FAM171A1: variants seen among roughly 807,000 people sequenced by gnomAD.
The protein encoded by FAM171A1 is protein FAM171A1.
Under a neutral mutation model 74.9 loss-of-function variants are expected in FAM171A1, and 23 were observed. The observed-to-expected ratio is 0.31, with a 90% CI of 0.22 to 0.44. The LOEUF is 0.44. FAM171A1 is among the 20% of genes least tolerant of loss of function. The pLI, the probability that FAM171A1 is intolerant of heterozygous loss-of-function variation, is 1.00. For missense variants in FAM171A1, 1,162 were observed against 1,159.2 expected (o/e 1.00, Z -0.03); for synonymous variants, 527 against 505.7 (o/e 1.04, Z -0.57).
At chr10:15,331,864 T>TATATAC in intron 1 of FAM171A1, among the ~76,000 whole-genome samples, 1 of 117,466 alleles carries the variant, frequency 8.5e-6, no homozygotes, top group East Asian at 3.1e-4. Flanking sequence ...TGTGTGTATA[T>TATATAC]ATATGTGTGT....
rs920101512 is a variant in FAM171A1 at position 15,240,592 on chromosome 10, C to T, written c.754+8047G>A. ...AAAATTAAAAGACAACTGTGAAAAACGGCAGCATCAAAAATTGATCCCACT... is the reference window on the plus strand; with the variant it reads ...AAAATTAAAAGACAACTGTGAAAAATGGCAGCATCAAAAATTGATCCCACT... On this transcript the variant is annotated intron_variant, in intron 5 of 7. Transcript: ENST00000378116. Among the ~76,000 whole-genome samples, 11 of 152,190 alleles carry T rather than the reference C, an allele frequency of 7.2e-5. No homozygotes were observed. The East Asian group carries it at 7.7e-4, about 11-fold the overall frequency.
intron 2 of FAM171A1, among the ~76,000 whole-genome samples, chr10:15,277,715 GA>G (rs1348836276): frequency 1.3e-5 from 2 of 152,120 alleles, no homozygotes; most frequent in Non-Finnish European, 2.9e-5. Flanking sequence ...AAAACATCAG[GA>G]TCTAGAAGAT....
chr10:15,252,345 G>A (rs900822933), intron 4 of FAM171A1, among the ~76,000 whole-genome samples: 1 of 152,186 alleles, frequency 6.6e-6, no homozygotes, highest in Non-Finnish European at 1.5e-5. Context: ...AGTCTCTTCC[G>A]CAGCCTCTCT....
intron 5 of FAM171A1, among the ~76,000 whole-genome samples, chr10:15,240,433 G>A (rs1834349289): frequency 6.6e-6 from 1 of 152,130 alleles, no homozygotes; most frequent in African/African-American, 2.4e-5. Context: ...GTTGTAACAT[G>A]CTAAACAAAT....
At chr10:15,235,146 C>T (rs1834268039) in intron 5 of FAM171A1, among the ~76,000 whole-genome samples, 3 of 151,856 alleles carry the variant, frequency 2.0e-5, no homozygotes, top group Non-Finnish European at 4.4e-5. Context: ...CTCGTCTCTA[C>T]TAAAAATACA....
intron 1 of FAM171A1, among the ~76,000 whole-genome samples, chr10:15,369,761 C>G (rs542553859): frequency 5.6e-4 from 86 of 152,298 alleles, no homozygotes; most frequent in African/African-American, 1.9e-3. Context: ...GCATGTTAGC[C>G]GAGGAAAGGG....
At chr10:15,284,932 T>TAAAAAAAAAAAA (rs553987604) in intron 1 of FAM171A1, among the ~76,000 whole-genome samples, 1 of 98,690 alleles carries the variant, frequency 1.0e-5, no homozygotes, top group Non-Finnish European at 2.3e-5. Flanking sequence ...AGAAAAAGAA[T>TAAAAAAAAAAAA]AAAAAAAAAA....
intron 1 of FAM171A1, among the ~76,000 whole-genome samples, chr10:15,355,272 A>C (rs1339200797): frequency 6.6e-6 from 1 of 152,114 alleles, no homozygotes; most frequent in East Asian, 1.9e-4. Context: ...ACGGGGTCTC[A>C]ATATGTTGCC....
At chr10:15,331,294 C>A (rs1162313850) in intron 1 of FAM171A1, among the ~76,000 whole-genome samples, 1 of 152,174 alleles carries the variant, frequency 6.6e-6, no homozygotes, top group Non-Finnish European at 1.5e-5. Context: ...GAAGAAGCTG[C>A]GGCCTAGAAA....
chr10:15,365,046 A>G (rs929251703), intron 1 of FAM171A1, among the ~76,000 whole-genome samples: 2 of 152,184 alleles, frequency 1.3e-5, no homozygotes. Context: ...TCTGGGGGCC[A>G]TTATTCTACT....
At chr10:15,297,063 CTT>C (rs1013371735) in intron 1 of FAM171A1, among the ~76,000 whole-genome samples, 8 of 144,584 alleles carry the variant, frequency 5.5e-5, no homozygotes, top group African/African-American at 2.5e-5. Context: ...AGCTTTTTTT[CTT>C]TTTTTTTTTT....
intron 5 of FAM171A1, among the ~76,000 whole-genome samples, chr10:15,229,964 C>T (rs1834184096): frequency 1.3e-5 from 2 of 152,152 alleles, no homozygotes; most frequent in African/African-American, 4.8e-5. Context: ...TCAGGCGTTT[C>T]CAGATCCCTG....
intron 1 of FAM171A1, among the ~76,000 whole-genome samples, chr10:15,351,467 C>G (rs755292267): frequency 6.1e-4 from 93 of 151,572 alleles, no homozygotes; most frequent in Non-Finnish European, 1.2e-3. Context: ...TGATGAGGAA[C>G]AAAATAGAGA....
rs138738273 is a variant in FAM171A1 at position 15,234,776 on chromosome 10, C to T, written c.755-13716G>A. 6.8e-3 allele frequency among the ~76,000 whole-genome samples: 1,040 copies of T among 152,084 alleles called. 8 individuals carry two copies. Among genetic ancestry groups the T allele is most frequent in the Middle Eastern group, 0.044 (13 of 294 alleles). On this transcript the variant is annotated intron_variant, in intron 5 of 7. Coordinates refer to ENST00000378116, the MANE Select transcript of FAM171A1 (RefSeq NM_001010924.2). ...CACGCCATTCTCTTGCCTCTGCCTC[C>T]CGAGTAGCTGGGACTACAGGCACCC...
chr10:15,341,347 G>A lies in FAM171A1; in HGVS notation c.97+29609C>T, dbSNP rs977773369. ...AAATCTTATTTTCAATGGACTGAAG[G>A]GTATGCTTTAGAAGCCGCTCTCTGT... On this transcript the variant is annotated intron_variant, in intron 1 of 7. Transcript: ENST00000378116. Among the ~76,000 whole-genome samples, 6 of 152,118 alleles carry A rather than the reference G, an allele frequency of 3.9e-5. No individual in the cohort carries two copies. The East Asian group carries it at 1.2e-3, about 29-fold the overall frequency.
At chr10:15,293,778 A>G (rs1051114026) in intron 1 of FAM171A1, among the ~76,000 whole-genome samples, 3 of 152,184 alleles carry the variant, frequency 2.0e-5, no homozygotes, top group African/African-American at 7.2e-5. Context: ...TACGGAGGTC[A>G]GGGAGGAATA....
intron 1 of FAM171A1, among the ~76,000 whole-genome samples, chr10:15,344,063 A>G (rs1835794080): frequency 6.6e-6 from 1 of 152,220 alleles, no homozygotes; most frequent in African/African-American, 2.4e-5. Flanking sequence ...TCATCTCTGC[A>G]ACTGTATGAC....
At chr10:15,263,933 G>A (rs567967991) in intron 3 of FAM171A1, among the ~76,000 whole-genome samples, 3 of 149,848 alleles carry the variant, frequency 2.0e-5, no homozygotes, top group African/African-American at 4.9e-5. Flanking sequence ...CCGTCCGTCC[G>A]TCCATCCATC....
At chr10:15,262,376 G>C (rs1255746337) in intron 3 of FAM171A1, among the ~76,000 whole-genome samples, 1 of 152,162 alleles carries the variant, frequency 6.6e-6, no homozygotes, top group Non-Finnish European at 1.5e-5. Context: ...GGAGTGGAAA[G>C]CTATTTTTGA....
Sources: allele counts gnomAD v4.1 joint callset (sites outside exome capture counted in the v4.1 genomes callset), GRCh38; gene constraint gnomAD v4.1.1; transcripts MANE v1.5; gene names NCBI Gene and HGNC (gene_info 2026-07-23, HGNC 2026-07-21).